The following DHX30 variants were observed in gnomAD, a reference collection of about 807,000 sequenced individuals.
The protein encoded by DHX30 is DExH-box helicase 30, also known as ATP-dependent RNA helicase DHX30.
Under a neutral mutation model 116.9 loss-of-function variants are expected in DHX30, and 4 were observed. That is an observed-to-expected ratio of 0.03 (90% CI 0.02 to 0.08). The LOEUF is 0.08. DHX30 is among the 10% of genes least tolerant of loss of function. DHX30 has a pLI of 1.00. For missense variants in DHX30, 871 were observed against 1,595.1 expected, an observed-to-expected ratio of 0.55 and a Z score of 7.73; for synonymous variants, 697 against 651.7, an observed-to-expected ratio of 1.07 and a Z score of -1.06.
At chr3:47,807,740 GTCTA>G (rs925174227) in intron 2 of DHX30, among the ~76,000 whole-genome samples, 1 of 143,968 alleles carries the variant, frequency 6.9e-6, no homozygotes, top group African/African-American at 2.5e-5. Context: ...AAAATCAAGA[GTCTA>G]TTTGCAAGCA....
chr3:47,804,507 A>G (rs2106917872), intron 1 of DHX30, among the ~76,000 whole-genome samples: 1 of 152,376 alleles, frequency 6.6e-6, no homozygotes. Context: ...GTGAGCCAAG[A>G]TCGCGCCATT....
intron 4 of DHX30, among the ~76,000 whole-genome samples, chr3:47,821,368 T>G (rs1276833509): frequency 6.6e-6 from 1 of 151,810 alleles, no homozygotes; most frequent in Non-Finnish European, 1.5e-5. Context: ...TGGGTTCAAG[T>G]GATTCTCTTG....
intron 2 of DHX30, among the ~76,000 whole-genome samples, chr3:47,807,553 A>C (rs2035584904): frequency 6.6e-6 from 1 of 151,102 alleles, no homozygotes; most frequent in African/African-American, 2.4e-5. Flanking sequence ...AATCCAAAAA[A>C]ATTTAGCCGT....
chr3:47,840,040 A>C (rs1296311764), intron 6 of DHX30, among the ~76,000 whole-genome samples: 1 of 145,660 alleles, frequency 6.9e-6, no homozygotes, highest in Non-Finnish European at 1.5e-5. Flanking sequence ...TCTGTCGCCC[A>C]GGTTGGAGTG....
At position 47,850,130 on chromosome 3, in the gene DHX30, C is replaced by G. The variant is rs779423464; in HGVS notation, c.*10C>G. 3.2e-6 allele frequency: 5 copies of G among 1,578,090 alleles called. No individual in the cohort carries two copies. On this transcript the variant is annotated 3_prime_UTR_variant, in exon 22 of 22. Transcript: ENST00000445061. ...GACAGCTGACGACTGAGCCCTGCTTCTGCTGGGGCTGTGTACAGAGTGCAA... is the reference window on the plus strand; with the variant it reads ...GACAGCTGACGACTGAGCCCTGCTTGTGCTGGGGCTGTGTACAGAGTGCAA...
intron 10 of DHX30, 100 bp from the exon 11 acceptor site, chr3:47,846,065 G>T: frequency 6.9e-7 from 1 of 1,439,492 alleles, no homozygotes; most frequent in South Asian, 1.3e-5. Flanking sequence ...CCAGCGGGTT[G>T]GGCCACAACA....
intron 6 of DHX30, among the ~76,000 whole-genome samples, chr3:47,839,030 C>T (rs1227248107): frequency 6.6e-6 from 1 of 151,390 alleles, no homozygotes; most frequent in East Asian, 2.0e-4. Flanking sequence ...CATACCACCA[C>T]CCCTGGCTAA....
chr3:47,845,597 G>C, intron 9 of DHX30, 103 bp from the exon 10 acceptor site: 1 of 1,331,514 alleles, frequency 7.5e-7, no homozygotes, highest in Non-Finnish European at 9.8e-7. Context: ...AAATCTCTTA[G>C]AGATTACTTG....
chr3:47,847,183 C>G lies in DHX30; in HGVS notation c.1930-90C>G. On this transcript the variant is annotated intron_variant, in intron 11 of 21. Transcript: ENST00000445061. The surrounding 1 kb of genome is among the most constrained non-coding windows in gnomAD (Gnocchi z 5.5). Reference sequence around the variant, plus strand: ...CGTGAGGATTGGAGTTGATGTCAAGCGGCTCCGTCTCACTGAGTCAGGTGG... The same window carrying G: ...CGTGAGGATTGGAGTTGATGTCAAGGGGCTCCGTCTCACTGAGTCAGGTGG... 1 of 1,545,626 alleles carries G rather than the reference C, an allele frequency of 6.5e-7. No individual in the cohort carries two copies. The highest frequency in any genetic ancestry group is 8.9e-7 in the Non-Finnish European group (1 of 1,120,532).
Position 47,843,165 on chromosome 3 carries a change from C to G in DHX30, c.849C>G (p.Leu283=), listed in dbSNP as rs760102603. 1.9e-6 allele frequency: 3 copies of G among 1,614,286 alleles called. No individual in the cohort carries two copies. Among genetic ancestry groups the G allele is most frequent in the East Asian group, 2.2e-5 (1 of 44,894 alleles). ...TKTKLSTLTL[L]WPCPMTFVAK... ...CCAAGCTGTCTACACTCACCCTGCT[C>G]TGGCCCTGCCCCATGACCTTTGTTG... is the stretch of plus-strand genomic sequence containing the variant. Residue 283 remains leucine (L), a synonymous_variant, in exon 9 of 22, where the codon CTC becomes CTG. Transcript: ENST00000445061.
intron 4 of DHX30, among the ~76,000 whole-genome samples, chr3:47,826,444 CTTT>C (rs978485673): frequency 3.0e-5 from 4 of 133,932 alleles, no homozygotes; most frequent in Admixed American, 1.5e-4. Flanking sequence ...GGTTTTCTTT[CTTT>C]TTTTTTTTTT....
Position 47,850,008 on chromosome 3 carries a change from C to T in DHX30, c.3473C>T (p.Ala1158Val), listed in dbSNP as rs1299565000. 6.2e-7 allele frequency: 1 copy of T among 1,611,462 alleles called. No individual in the cohort carries two copies. Among genetic ancestry groups the T allele is most frequent in the East Asian group, 2.2e-5 (1 of 44,834 alleles). ...MVERSLRSEL[A>V]ALPPSVQEEH... Reference sequence around the variant, plus strand: ...GAGCGGAGCCTGCGCAGCGAGCTGGCTGCACTTCCCCCCAGCGTACAGGAG... The same window carrying T: ...GAGCGGAGCCTGCGCAGCGAGCTGGTTGCACTTCCCCCCAGCGTACAGGAG... Residue 1158 changes from alanine to valine, a missense_variant, in exon 22 of 22, where the codon GCT (alanine) becomes GTT (valine). Around this residue, in one of 13 missense-constraint regions of DHX30, gnomAD observed 52 missense variants for 50.1 expected, o/e 1.04. Transcript: ENST00000445061.
intron 1 of DHX30, 112 bp from the exon 2 acceptor site, chr3:47,805,214 C>T: frequency 2.5e-6 from 1 of 396,362 alleles, no homozygotes; most frequent in Middle Eastern, 6.3e-4. Flanking sequence ...CAGTATGTGC[C>T]CTTCATGCCA....
intron 6 of DHX30, among the ~76,000 whole-genome samples, chr3:47,838,608 G>A (rs2037228900): frequency 6.6e-6 from 1 of 152,224 alleles, no homozygotes; most frequent in African/African-American, 2.4e-5. Flanking sequence ...TGAGTTGGGT[G>A]GGATTGAAAG....
intron 4 of DHX30, chr3:47,825,083 C>T (rs1576481848): frequency 1.5e-6 from 1 of 670,770 alleles, no homozygotes; most frequent in East Asian, 3.1e-5. Context: ...GCCGGCATCT[C>T]TCCGCGCCTG....
chr3:47,806,083 C>T (rs973495546), intron 2 of DHX30, among the ~76,000 whole-genome samples: 14 of 151,872 alleles, frequency 9.2e-5, no homozygotes, highest in Admixed American at 6.6e-5. Context: ...CCTCCACCTC[C>T]TTAGTTCAAG....
chr3:47,842,440 C>A (rs2037421274), intron 8 of DHX30: 1 of 152,398 alleles, frequency 6.6e-6, no homozygotes, highest in African/African-American at 2.4e-5. Context: ...GAATCTTGCA[C>A]CTGGTACTGT....
chr3:47,847,359 C>A lies in DHX30; in HGVS notation c.2005+11C>A. ...CTCGCGGGGAACCAGGTGGGTGCCTCCCCATCTGTCCCATGCTAGCCCTGG... is the reference window on the plus strand; with the variant it reads ...CTCGCGGGGAACCAGGTGGGTGCCTACCCATCTGTCCCATGCTAGCCCTGG... On this transcript the variant is annotated intron_variant, in intron 12 of 21. Transcript: ENST00000445061. This position sits in a 1 kb window ranked among gnomAD's most constrained non-coding sequence, Gnocchi z 5.5. 1 of 1,614,250 alleles carries A rather than the reference C, an allele frequency of 6.2e-7. No homozygotes were observed. Among genetic ancestry groups the A allele is most frequent in the Non-Finnish European group, 8.5e-7 (1 of 1,180,040 alleles).
rs187470747 is a variant in DHX30, at chr3:47,828,999, C to A, written c.256-25C>A. On this transcript the variant is annotated intron_variant, in intron 5 of 21. Transcript: ENST00000445061. ...ACTCTAGTCTGGAGTGGCAAGACTT[C>A]TGATTTCTCTCTTCTCTTCCCCAGA... 1.7e-4 allele frequency: 252 copies of A among 1,498,230 alleles called. No homozygotes were observed. In the Admixed American group the frequency reaches 4.4e-3, roughly 26 times the overall value. 92.8% of individuals were successfully genotyped at this position (1,498,230 alleles called of 1,614,324 possible).
Sources: allele counts gnomAD v4.1 joint callset (sites outside exome capture counted in the v4.1 genomes callset), GRCh38; gene constraint gnomAD v4.1.1; regional missense constraint gnomAD v4.1.1; non-coding constraint Gnocchi (gnomAD v3.1); transcripts MANE v1.5; gene names NCBI Gene and HGNC (gene_info 2026-07-23, HGNC 2026-07-21).